The following XPO4 variants were observed in gnomAD, a reference collection of about 807,000 sequenced individuals.
XPO4 encodes exportin 4, also known as exportin-4.
In XPO4, 39 loss-of-function variants were observed where a neutral mutation model predicts 143.0. The observed-to-expected ratio is 0.27, with a 90% CI of 0.21 to 0.36. The LOEUF (loss-of-function observed/expected upper bound fraction) is 0.36, where lower values mean the gene tolerates loss of function less well. Among genes scored for constraint, XPO4 ranks in the 10% least tolerant of loss-of-function variants. The probability of loss-of-function intolerance (pLI) is 1.00; values close to 1 mark genes in which losing one functional copy is unlikely to be tolerated. For missense variants in XPO4, 907 were observed against 1,348.0 expected, an observed-to-expected ratio of 0.67 and a Z score of 5.12; for synonymous variants, 439 against 474.0, an observed-to-expected ratio of 0.93 and a Z score of 0.96.
intron 6 of XPO4, among the ~76,000 whole-genome samples, chr13:20,827,765 G>C (rs1271584658): frequency 1.3e-5 from 2 of 152,184 alleles, no homozygotes; most frequent in Admixed American, 1.3e-4. Context: ...AAACTTTATA[G>C]ATGCTTATTT....
At chr13:20,850,269 C>CAA (rs1441442509) in intron 4 of XPO4, 9 of 981,592 alleles carry the variant, frequency 9.2e-6, no homozygotes, top group Non-Finnish European at 1.2e-6. Flanking sequence ...GGAGACGGCA[C>CAA]AAATACTTGC....
In XPO4 at chr13:20,855,783, C is replaced by T. The variant is rs1566609737; in HGVS notation, c.318-18G>A. On this transcript the variant is annotated intron_variant, in intron 3 of 22. Transcript: ENST00000255305. ...TTTGAAGGCTGTAAAACATAAAAAT[C>T]ATTGTGAAAAATTTACCTAAATCTA... is the stretch of plus-strand genomic sequence containing the variant. 1 of 1,559,826 alleles carries T rather than the reference C, an allele frequency of 6.4e-7. No homozygotes were observed. Among genetic ancestry groups the T allele is most frequent in the East Asian group, 2.3e-5 (1 of 43,884 alleles).
At chr13:20,806,777 T>C (rs1347385370) in intron 13 of XPO4, among the ~76,000 whole-genome samples, 1 of 151,930 alleles carries the variant, frequency 6.6e-6, no homozygotes, top group Non-Finnish European at 1.5e-5. Flanking sequence ...GGTCTCAATC[T>C]CTTGACCTCA....
rs549009225 is a variant in XPO4 at position 20,888,275 on chromosome 13, C to A, written c.69+14395G>T. Among the ~76,000 whole-genome samples, 3 of 151,734 alleles carry A rather than the reference C, an allele frequency of 2.0e-5. No homozygotes were observed. In the East Asian group the frequency reaches 5.8e-4, roughly 29 times the overall value. On this transcript the variant is annotated intron_variant, in intron 1 of 22. Transcript: ENST00000255305. ...TAAATAAATCAACCCTATTACATTA[C>A]CCTCAATTTTTTTTACTACATTGCC... is the stretch of plus-strand genomic sequence containing the variant.
chr13:20,884,421 GATCCA>G (rs890909130), intron 1 of XPO4, among the ~76,000 whole-genome samples: 1 of 151,886 alleles, frequency 6.6e-6, no homozygotes, highest in Non-Finnish European at 1.5e-5. Context: ...GATCCGATCC[GATCCA>G]ATCCAATCCA....
chr13:20,883,904 A>G (rs558974603), intron 1 of XPO4, among the ~76,000 whole-genome samples: 1 of 152,272 alleles, frequency 6.6e-6, no homozygotes, highest in East Asian at 1.9e-4. Context: ...AGTAGCTGGG[A>G]TTACAGGCAT....
chr13:20,859,391 G>A (rs2060175441), intron 3 of XPO4, among the ~76,000 whole-genome samples: 1 of 152,150 alleles, frequency 6.6e-6, no homozygotes, highest in Non-Finnish European at 1.5e-5. Flanking sequence ...ACGAGGTCAG[G>A]AAATGGAGAC....
chr13:20,827,102 G>A lies in XPO4; in HGVS notation c.805C>T (p.Leu269Phe). The A allele has an allele frequency of 6.2e-7, 1 of 1,613,882 alleles. No individual in the cohort carries two copies. Among genetic ancestry groups the A allele is most frequent in the East Asian group, 2.2e-5 (1 of 44,856 alleles). The part of the protein sequence containing the change: ...LKPTESWRET[L>F]LDSRVMELFF... ...AGCTCCATAACTCTGCTGTCCAGAA[G>A]AGTCTCCCGCCAGGACTCTGTTGGC... The change falls in exon 7 of 23, where the codon CTT becomes TTT. Residue 269 changes from leucine (L) to phenylalanine (F), a missense_variant. By Grantham distance (22) the Leu-to-Phe change is conservative. Transcript: ENST00000255305.
At chr13:20,794,478 C>T (rs2141503192) in intron 18 of XPO4, among the ~76,000 whole-genome samples, 1 of 152,328 alleles carries the variant, frequency 6.6e-6, no homozygotes, top group South Asian at 2.1e-4. Context: ...ACAGATTCCT[C>T]TGGGGACAAG....
intron 9 of XPO4, among the ~76,000 whole-genome samples, chr13:20,819,584 T>A (rs1400164762): frequency 6.6e-6 from 1 of 151,968 alleles, no homozygotes; most frequent in Non-Finnish European, 1.5e-5. Flanking sequence ...CGCTTGAACC[T>A]GTGAGGCAGA....
intron 2 of XPO4, chr13:20,866,299 T>A (rs1434085910): frequency 1.0e-6 from 1 of 983,912 alleles, no homozygotes; most frequent in East Asian, 1.1e-4. Flanking sequence ...AACAAAAGGA[T>A]AAGAAGAGAA....
At chr13:20,789,217 C>A (rs967977280) in intron 19 of XPO4, among the ~76,000 whole-genome samples, 1 of 152,160 alleles carries the variant, frequency 6.6e-6, no homozygotes, top group Non-Finnish European at 1.5e-5. Context: ...GTTGACTAAA[C>A]TTCCTCATCC....
chr13:20,790,710 T>C, intron 18 of XPO4, 130 bp from the exon 19 acceptor site: 1 of 727,590 alleles, frequency 1.4e-6, no homozygotes, highest in Non-Finnish European at 2.3e-6. Context: ...ATAAAGAATC[T>C]GACCTCGTCC....
Position 20,808,452 on chromosome 13 carries a change from C to A in XPO4, c.1623G>T (p.Trp541Cys). 2 of 1,522,464 alleles carry A rather than the reference C, an allele frequency of 1.3e-6. No individual in the cohort carries two copies. The highest frequency in any genetic ancestry group is 1.4e-5 in the African/African-American group (1 of 73,916). The allele number at this position is 1,522,464 out of a possible 1,614,324, so 94.3% of individuals were successfully genotyped here. Reference sequence around the variant, plus strand: ...CCAACCAACCTGTAACTAAAATAAGCCAGTGAATATCTTCATAGAGATCAT... The same window carrying A: ...CCAACCAACCTGTAACTAAAATAAGACAGTGAATATCTTCATAGAGATCAT... Reference protein sequence around the residue: ...MLDDLYEDIHWLILVTGYLLA... With the variant: ...MLDDLYEDIHCLILVTGYLLA... The change falls in exon 12 of 23, where the codon TGG (tryptophan) becomes TGT (cysteine). Residue 541 changes from tryptophan (W) to cysteine (C), a missense_variant. Trp to Cys is a radical substitution (Grantham distance 215). Transcript: ENST00000255305.
rs1219993369 is a variant in XPO4, at chr13:20,777,892, A to C, written c.*5830T>G. The stretch of plus-strand genomic sequence containing the variant: ...GATGCTGCTGGGGGTGCTGTATGGA[A>C]TTTCCCAGCAAAAGATTCTTTCATT... On this transcript the variant is annotated 3_prime_UTR_variant, in exon 23 of 23. Transcript: ENST00000255305. 6.6e-6 allele frequency: 1 copy of C among 152,160 alleles called. No homozygotes were observed. Among genetic ancestry groups the C allele is most frequent in the African/African-American group, 2.4e-5 (1 of 41,420 alleles). The allele number at this position is 152,160 out of a possible 1,614,324, so 9.4% of individuals were successfully genotyped here. A position where few individuals can be genotyped will look rare whatever the true frequency, so the allele number is the denominator to read the frequency against.
intron 9 of XPO4, among the ~76,000 whole-genome samples, chr13:20,813,145 G>A (rs1157428285): frequency 6.6e-6 from 1 of 152,054 alleles, no homozygotes; most frequent in Non-Finnish European, 1.5e-5. Context: ...ACAATGTCAC[G>A]AGAACAGCAT....
intron 13 of XPO4, among the ~76,000 whole-genome samples, chr13:20,805,311 C>T (rs1161515123): frequency 7.2e-5 from 11 of 152,110 alleles, no homozygotes; most frequent in Admixed American, 7.2e-4. Flanking sequence ...CTGCTCAAAA[C>T]CCTACAATGG....
intron 6 of XPO4, among the ~76,000 whole-genome samples, chr13:20,835,850 C>T (rs2138031975): frequency 6.6e-6 from 1 of 151,776 alleles, no homozygotes; most frequent in East Asian, 1.9e-4. Flanking sequence ...CCCTCCTCTT[C>T]CTCCTCCTCC....
Position 20,784,292 on chromosome 13 carries a change from G to A in XPO4, c.3259-373C>T, listed in dbSNP as rs1411135167. 6.6e-5 allele frequency among the ~76,000 whole-genome samples: 10 copies of A among 152,112 alleles called. No homozygotes were observed. The South Asian group carries it at 8.3e-4, about 13-fold the overall frequency. On this transcript the variant is annotated intron_variant, in intron 22 of 22. Coordinates refer to ENST00000255305, the MANE Select transcript of XPO4 (RefSeq NM_022459.5). ...AGCACATTATTCCTATTTATGTTGC[G>A]TTTGACACATAATCTAAGTCTGCAA... is the stretch of plus-strand genomic sequence containing the variant.
Sources: gnomAD v4.1 joint callset for allele counts (sites outside exome capture counted in the v4.1 genomes callset) on GRCh38, gnomAD v4.1.1 for gene constraint, MANE v1.5 for transcripts, NCBI Gene and HGNC (gene_info 2026-07-23, HGNC 2026-07-21) for gene names.